Variants in ACSL3 observed in about 807,000 individuals in gnomAD.
ACSL3 encodes the protein acyl-CoA synthetase long chain family member 3.
Under a neutral mutation model 84.7 loss-of-function variants are expected in ACSL3, and 34 were observed. That is an observed-to-expected ratio of 0.40 (90% CI 0.31 to 0.53). The LOEUF is 0.53. Ranked by LOEUF, ACSL3 falls within the 20% of genes least tolerant of loss-of-function variation. The pLI, the probability that ACSL3 is intolerant of heterozygous loss-of-function variation, is 0.48. For missense variants in ACSL3, 680 were observed against 873.1 expected, an observed-to-expected ratio of 0.78 and a Z score of 2.79; for synonymous variants, 315 against 299.4, an observed-to-expected ratio of 1.05 and a Z score of -0.54.
At chr2:222,917,322 C>G (rs926230849) in intron 5 of ACSL3, 1 of 152,214 alleles carries the variant, frequency 6.6e-6, no homozygotes, top group Non-Finnish European at 1.5e-5. Flanking sequence ...ATCTCCTGAC[C>G]TTGTGATCCG....
At chr2:222,907,111 T>C (rs1286249318) in intron 3 of ACSL3, among the ~76,000 whole-genome samples, 1 of 152,188 alleles carries the variant, frequency 6.6e-6, no homozygotes, top group Non-Finnish European at 1.5e-5. Flanking sequence ...ATCTGTTCTG[T>C]GAGTGGTCTA....
Position 222,934,591 on chromosome 2 carries a change from C to G in ACSL3, c.1909C>G (p.Arg637Gly). The G allele has an allele frequency of 6.2e-7, 1 of 1,603,034 alleles. No homozygotes were observed. Among genetic ancestry groups the G allele is most frequent in the Non-Finnish European group, 8.5e-7 (1 of 1,175,168 alleles). Residue 637 changes from arginine to glycine, a missense_variant, in exon 16 of 17, where the codon CGA becomes GGA. Arg to Gly is a moderately radical substitution (Grantham distance 125). This residue lies in a region of ACSL3 where 347 missense variants were observed against 525.7 expected (regional missense o/e 0.66). Transcript: ENST00000357430. Reference sequence around the variant, plus strand: ...TCAAAAGGAACTAACTGAACTAGCTCGAAAGAAAGGACTTAAAGGGACTTG... The same window carrying G: ...TCAAAAGGAACTAACTGAACTAGCTGGAAAGAAAGGACTTAAAGGGACTTG... ...PNQKELTELA[R>G]KKGLKGTWEE...
At chr2:222,881,958 G>A (rs1005043144) in intron 1 of ACSL3, among the ~76,000 whole-genome samples, 16 of 152,158 alleles carry the variant, frequency 1.1e-4, no homozygotes, top group African/African-American at 3.9e-4. Context: ...TGGTTATGGT[G>A]TATCATTCTT....
chr2:222,895,470 C>CTTTTTTTTT (rs1164470428), intron 2 of ACSL3, among the ~76,000 whole-genome samples: 4 of 15,606 alleles, frequency 2.6e-4, no homozygotes, highest in African/African-American at 1.1e-3. Context: ...TTACTTTGTT[C>CTTTTTTTTT]TTTTTTTTTT....
At chr2:222,882,425 G>C (rs1405047181) in intron 1 of ACSL3, among the ~76,000 whole-genome samples, 1 of 152,180 alleles carries the variant, frequency 6.6e-6, no homozygotes, top group Non-Finnish European at 1.5e-5. Context: ...TGGCACTAGG[G>C]ACCCAGTTTC....
At chr2:222,886,112 C>T (rs1695715801) in intron 1 of ACSL3, among the ~76,000 whole-genome samples, 1 of 152,096 alleles carries the variant, frequency 6.6e-6, no homozygotes, top group Non-Finnish European at 1.5e-5. Context: ...TGCAGGTTTA[C>T]ATGTATACGT....
At chr2:222,882,975 G>T (rs1167716055) in intron 1 of ACSL3, among the ~76,000 whole-genome samples, 3 of 98,752 alleles carry the variant, frequency 3.0e-5, no homozygotes, top group Non-Finnish European at 4.2e-5. Context: ...CGCTGTGTTA[G>T]CCAGGATGGG....
At chr2:222,873,354 T>C (rs972881079) in intron 1 of ACSL3, among the ~76,000 whole-genome samples, 1 of 152,246 alleles carries the variant, frequency 6.6e-6, no homozygotes, top group African/African-American at 2.4e-5. Context: ...TTGTATGTTT[T>C]GAACAGAAAT....
rs569986745 is a variant in ACSL3 at position 222,909,970 on chromosome 2, A to G, written c.378+820A>G. Among the ~76,000 whole-genome samples the G allele has an allele frequency of 3.3e-5, 5 of 152,322 alleles. No homozygotes were observed. The East Asian group carries it at 9.6e-4, about 29-fold the overall frequency. On this transcript the variant is annotated intron_variant, in intron 4 of 16. Coordinates refer to ENST00000357430, the MANE Select transcript of ACSL3 (RefSeq NM_004457.5). ...TACAGCTAGGGAAGCTGGGACTGGA[A>G]TCCAGGCCTTCTGGCTCCAGAACTC...
chr2:222,891,953 C>T (rs1695853876), intron 2 of ACSL3, among the ~76,000 whole-genome samples: 1 of 152,168 alleles, frequency 6.6e-6, no homozygotes, highest in Non-Finnish European at 1.5e-5. Context: ...ACTAAACCTT[C>T]TAATAATGTT....
rs949016921 is a variant in ACSL3, at chr2:222,893,529, A to G, written c.-148+5641A>G. On this transcript the variant is annotated intron_variant, in intron 2 of 16. Coordinates refer to ENST00000357430, the MANE Select transcript of ACSL3 (RefSeq NM_004457.5). Reference sequence around the variant, plus strand: ...ACCATGTTGTATCTCTCTTGCGCCTAAGAGATTCTTGAAACCCCAGATCTA... The same window carrying G: ...ACCATGTTGTATCTCTCTTGCGCCTGAGAGATTCTTGAAACCCCAGATCTA... Among the ~76,000 whole-genome samples the G allele has an allele frequency of 3.9e-5, 6 of 152,094 alleles. No individual in the cohort carries two copies. The East Asian group carries it at 1.2e-3, about 29-fold the overall frequency.
At chr2:222,925,454 A>G (rs1696854314) in intron 11 of ACSL3, among the ~76,000 whole-genome samples, 1 of 151,754 alleles carries the variant, frequency 6.6e-6, no homozygotes, top group African/African-American at 2.4e-5. Flanking sequence ...TTAGCTGGGC[A>G]TGGTGTCATA....
intron 1 of ACSL3, among the ~76,000 whole-genome samples, chr2:222,882,467 G>A (rs937477921): frequency 5.3e-5 from 8 of 151,828 alleles, no homozygotes; most frequent in South Asian, 2.1e-4. Flanking sequence ...GACAGGGGTC[G>A]AGGAGGCAGT....
At chr2:222,898,292 C>T (rs1696044011) in intron 2 of ACSL3, among the ~76,000 whole-genome samples, 1 of 152,134 alleles carries the variant, frequency 6.6e-6, no homozygotes, top group African/African-American at 2.4e-5. Context: ...AATGTTAACT[C>T]CTCTGGATTT....
chr2:222,891,570 CA>C (rs1357783695), intron 2 of ACSL3, among the ~76,000 whole-genome samples: 1 of 152,044 alleles, frequency 6.6e-6, no homozygotes, highest in East Asian at 1.9e-4. Flanking sequence ...GGGTCTTGAT[CA>C]GTTTTGGGGA....
intron 11 of ACSL3, among the ~76,000 whole-genome samples, chr2:222,926,403 ATTTT>A (rs958368270): frequency 6.7e-6 from 1 of 148,540 alleles, no homozygotes; most frequent in African/African-American, 2.5e-5. Flanking sequence ...TTTTGCAAAG[ATTTT>A]TTTTTTTAAG....
chr2:222,917,802 CAAAAT>C (rs1160290670), intron 5 of ACSL3: 2 of 281,354 alleles, frequency 7.1e-6, no homozygotes, highest in Admixed American at 5.1e-5. Flanking sequence ...GTAAGTGAAA[CAAAAT>C]AAAAATTTAA....
chr2:222,895,470 C>CTT lies in ACSL3; in HGVS notation c.-147-5177_-147-5176dup, dbSNP rs1164470428. Among the ~76,000 whole-genome samples, 4 of 15,606 alleles carry CTT rather than the reference C, an allele frequency of 2.6e-4. 1 individual carries two copies. The highest frequency in any genetic ancestry group is 5.5e-4 in the African/African-American group (1 of 1,830). 10.2% of individuals were successfully genotyped at this position (15,606 alleles called of 152,430 possible). A position where few individuals can be genotyped will look rare whatever the true frequency, so the allele number is the denominator to read the frequency against. ...CCTGGCCTGTTACCATTACTTTGTT[C>CTT]TTTTTTTTTTTTTTTTTTTTTTTTT... On this transcript the variant is annotated intron_variant, in intron 2 of 16. Transcript: ENST00000357430.
intron 7 of ACSL3, among the ~76,000 whole-genome samples, chr2:222,920,137 A>T (rs1696693733): frequency 6.6e-6 from 1 of 152,158 alleles, no homozygotes; most frequent in Non-Finnish European, 1.5e-5. Context: ...CAAGGATTGT[A>T]ATTTCCAAGA....
Sources: allele counts gnomAD v4.1 joint callset (sites outside exome capture counted in the v4.1 genomes callset), GRCh38; gene constraint gnomAD v4.1.1; regional missense constraint gnomAD v4.1.1; transcripts MANE v1.5; gene names NCBI Gene and HGNC (gene_info 2026-07-23, HGNC 2026-07-21).